The following MCF2L variants were observed in gnomAD, a reference collection of about 807,000 sequenced individuals.
MCF2L encodes the protein guanine nucleotide exchange factor DBS.
MCF2L carries 97 observed loss-of-function variants against 153.4 expected under a neutral mutation model. That is an observed-to-expected ratio of 0.63 (90% CI 0.54 to 0.75). MCF2L has a LOEUF of 0.75. MCF2L is among the 30% of genes least tolerant of loss of function. The pLI is 0.00. For missense variants in MCF2L, 1,347 were observed against 1,495.2 expected (o/e 0.90, Z 1.64); for synonymous variants, 659 against 632.2 (o/e 1.04, Z -0.64).
chr13:113,076,142 C>T lies in MCF2L; in HGVS notation c.1485C>T (p.Leu495=). The T allele has an allele frequency of 1.2e-6, 2 of 1,612,734 alleles. No individual in the cohort carries two copies. The highest frequency in any genetic ancestry group is 2.2e-5 in the East Asian group (1 of 44,850). ...NAIYKEYESI[L]NQDLMEHVRK... ...TTTACAAGGAATACGAATCCATCCTCAACCAAGATCTCATGGTAACGCTGA... is the reference window on the plus strand; with the variant it reads ...TTTACAAGGAATACGAATCCATCCTTAACCAAGATCTCATGGTAACGCTGA... Residue 495 remains leucine (L), a synonymous_variant, in exon 12 of 30, where the codon CTC becomes CTT. Transcript: ENST00000535094.
rs1217975841 is a variant in MCF2L at position 112,904,045 on chromosome 13, C to G, written c.169+1674C>G. On this transcript the variant is annotated intron_variant, in intron 2 of 29. Transcript: ENST00000375608. The surrounding 1 kb of genome is among the most constrained non-coding windows in gnomAD (Gnocchi z 4.2). ...TTGGCTGTGAATTAACTGCCCGTGG[C>G]CACTCAGAACCTCGGACTGGTGCCT... Among the ~76,000 whole-genome samples the G allele has an allele frequency of 6.6e-6, 1 of 152,142 alleles. No homozygotes were observed. Among genetic ancestry groups the G allele is most frequent in the Non-Finnish European group, 1.5e-5 (1 of 68,014 alleles).
chr13:112,962,873 A>G (rs2081849433), intron 2 of MCF2L, among the ~76,000 whole-genome samples: 1 of 152,192 alleles, frequency 6.6e-6, no homozygotes, highest in Non-Finnish European at 1.5e-5. Flanking sequence ...CCCAGAATCC[A>G]GGCATCTTTG....
rs80312020 is a variant in MCF2L, at chr13:113,033,391, C to T, written c.278+8633C>T. ...TGGCCCCCGTGACGTGAGTGGCCCCCGTGATGTGAGTGGACCCCGTGGCGT... is the reference window on the plus strand; with the variant it reads ...TGGCCCCCGTGACGTGAGTGGCCCCTGTGATGTGAGTGGACCCCGTGGCGT... On this transcript the variant is annotated intron_variant, in intron 3 of 29. Transcript: ENST00000535094. Among the ~76,000 whole-genome samples the T allele has an allele frequency of 3.8e-3, 116 of 30,224 alleles. 4 individuals are homozygous for T. Among genetic ancestry groups the T allele is most frequent in the Non-Finnish European group, 5.8e-3 (76 of 13,182 alleles). 19.8% of individuals were successfully genotyped at this position (30,224 alleles called of 152,430 possible).
intron 1 of MCF2L, among the ~76,000 whole-genome samples, chr13:112,901,498 G>A (rs891692271): frequency 2.0e-5 from 3 of 152,200 alleles, no homozygotes; most frequent in African/African-American, 7.2e-5. Context: ...AAGGGGTCCT[G>A]CGGGTGGGAC....
At chr13:113,083,216 CCCATGTGAGTGGCTCCCATGCGG>C (rs1214983281) in intron 17 of MCF2L, among the ~76,000 whole-genome samples, 3 of 152,170 alleles carry the variant, frequency 2.0e-5, no homozygotes, top group African/African-American at 7.2e-5. Flanking sequence ...CTGGAAGGAA[CCCATGTGAGTGGCTCCCATGCGG>C]CCATGTGCTT....
intron 2 of MCF2L, chr13:112,917,581 C>A (rs2081307584): frequency 5.4e-6 from 1 of 184,624 alleles, no homozygotes; most frequent in African/African-American, 2.4e-5. Flanking sequence ...AACACAGCCC[C>A]CTCCGGTGGC....
At chr13:113,090,600 T>C (rs1343854587) in intron 26 of MCF2L, 10 of 985,246 alleles carry the variant, frequency 1.0e-5, no homozygotes, top group Non-Finnish European at 1.2e-5. Context: ...GACGGAGACG[T>C]CTAATGCCCT....
intron 4 of MCF2L, among the ~76,000 whole-genome samples, chr13:113,056,574 GC>G (rs2029875988): frequency 1.4e-5 from 2 of 147,586 alleles, no homozygotes; most frequent in South Asian, 2.2e-4. Flanking sequence ...CTGAGTGTTT[GC>G]GTGCTGTGTG....
chr13:112,980,481 G>A (rs76954283), intron 1 of MCF2L, among the ~76,000 whole-genome samples: 499 of 152,352 alleles, frequency 3.3e-3, no homozygotes, highest in East Asian at 0.023. Context: ...TTATTTCAGA[G>A]ATGGATGGGC....
intron 1 of MCF2L, among the ~76,000 whole-genome samples, chr13:112,985,995 C>G (rs1335284818): frequency 6.8e-6 from 1 of 147,986 alleles, no homozygotes; most frequent in African/African-American, 2.7e-5. Flanking sequence ...CCCGGCCACT[C>G]TTCCTCTTCC....
chr13:113,029,085 C>T (rs1029175069), intron 3 of MCF2L, among the ~76,000 whole-genome samples: 1 of 152,138 alleles, frequency 6.6e-6, no homozygotes, highest in African/African-American at 2.4e-5. Flanking sequence ...CCAATGCTCC[C>T]TTTCTATCTG....
At chr13:112,970,635 G>A (rs1235857698) in intron 1 of MCF2L, among the ~76,000 whole-genome samples, 2 of 152,102 alleles carry the variant, frequency 1.3e-5, no homozygotes, top group Non-Finnish European at 2.9e-5. Context: ...GGCTGTGGGG[G>A]TGGAGGAGAA....
chr13:112,974,898 T>A lies in MCF2L; in HGVS notation c.79+5440T>A, dbSNP rs2140859653. ...CTGGAGCCAAGCTGGTTCTGCAGCC[T>A]AATTATGGAAAGCTCGGCTGCCTTT... is the stretch of plus-strand genomic sequence containing the variant. On this transcript the variant is annotated intron_variant, in intron 1 of 29. Transcript: ENST00000535094. 2.0e-5 allele frequency among the ~76,000 whole-genome samples: 3 copies of A among 152,320 alleles called. No individual in the cohort carries two copies. The Middle Eastern group carries it at 0.01, about 522-fold the overall frequency.
chr13:112,972,038 G>A (rs930963422), intron 1 of MCF2L, among the ~76,000 whole-genome samples: 3 of 152,206 alleles, frequency 2.0e-5, no homozygotes, highest in African/African-American at 7.2e-5. Context: ...GGAAGTCTGG[G>A]GTAGGGTCTG....
intron 1 of MCF2L, among the ~76,000 whole-genome samples, chr13:112,970,056 A>G (rs2081986636): frequency 6.6e-6 from 1 of 152,140 alleles, no homozygotes; most frequent in Non-Finnish European, 1.5e-5. Context: ...TTTAGGTGTA[A>G]GCAGAGACTG....
chr13:112,981,747 C>T lies in MCF2L; in HGVS notation c.79+12289C>T, dbSNP rs7993758. Among the ~76,000 whole-genome samples, 1,266 of 152,324 alleles carry T rather than the reference C, an allele frequency of 8.3e-3. 26 individuals carry two copies. Among genetic ancestry groups the T allele is most frequent in the African/African-American group, 0.029 (1,207 of 41,578 alleles). ...ACCTCCTCCTTCAGGCCGGGCGGTG[C>T]GGGTGCGGCTCAGAGCCCAGTGCCC... On this transcript the variant is annotated intron_variant, in intron 1 of 29. Transcript: ENST00000535094.
At chr13:112,942,237 G>A (rs887173272) in intron 2 of MCF2L, among the ~76,000 whole-genome samples, 1 of 152,342 alleles carries the variant, frequency 6.6e-6, no homozygotes. Context: ...TTAGATAGCA[G>A]TAGCAAATTA....
chr13:113,034,235 C>G (rs1001835240), intron 3 of MCF2L: 3 of 151,266 alleles, frequency 2.0e-5, no homozygotes, highest in African/African-American at 7.3e-5. Context: ...CTTCCCAGCT[C>G]AGGTGATCCT....
intron 4 of MCF2L, among the ~76,000 whole-genome samples, chr13:113,049,458 A>G (rs9577442): frequency 0.5 from 75,567 of 152,016 alleles, 19,162 homozygotes; most frequent in African/African-American, 0.58. Flanking sequence ...GTTTTTTGGA[A>G]ATGGTGCAGT....
Sources: gnomAD v4.1 joint callset for allele counts (sites outside exome capture counted in the v4.1 genomes callset) on GRCh38, gnomAD v4.1.1 for gene constraint, Gnocchi (gnomAD v3.1) non-coding constraint, MANE v1.5 for transcripts, NCBI Gene and HGNC (gene_info 2026-07-23, HGNC 2026-07-21) for gene names.